COL23A1: variants seen among roughly 807,000 people sequenced by gnomAD.
COL23A1 encodes collagen type XXIII alpha 1 chain.
Under a neutral mutation model 99.3 loss-of-function variants are expected in COL23A1, and 97 were observed. That is an observed-to-expected ratio of 0.98 (90% CI 0.83 to 1.16). COL23A1 has a LOEUF of 1.16. COL23A1 is among the 50% of genes most tolerant of loss of function. The probability of loss-of-function intolerance (pLI) is 0.00; values close to 1 mark genes in which losing one functional copy is unlikely to be tolerated. For synonymous variants in COL23A1, 320 were observed against 308.2 expected, an observed-to-expected ratio of 1.04 and a Z score of -0.40; for missense variants, 762 against 757.4, an observed-to-expected ratio of 1.01 and a Z score of -0.07.
chr5:178,587,944 C>A (rs1764083570), intron 1 of COL23A1, among the ~76,000 whole-genome samples: 1 of 152,246 alleles, frequency 6.6e-6, no homozygotes, highest in Non-Finnish European at 1.5e-5. Flanking sequence ...TGCATTCATA[C>A]TGCACCATCT....
rs1554178715 is a variant in COL23A1 at position 178,473,082 on chromosome 5, CACTGCACTCCAGCCTGGGTGACAGA to C, written c.361+87575_361+87599del. ...AGGCTGCAGTGAGCTGTGACTGTGC[CACTGCACTCCAGCCTGGGTGACAGA>C]GCAAGACTCTCTTCGCCATCCCCCC... On this transcript the variant is annotated intron_variant, in intron 2 of 28. Coordinates refer to ENST00000390654, the MANE Select transcript of COL23A1 (RefSeq NM_173465.4). 1.1e-4 allele frequency among the ~76,000 whole-genome samples: 3 copies of C among 27,176 alleles called. No individual in the cohort carries two copies. The Admixed American group carries it at 1.7e-3, about 15-fold the overall frequency. The allele number at this position is 27,176 out of a possible 152,430, so 17.8% of individuals were successfully genotyped here.
At chr5:178,559,743 G>C (rs137873422) in intron 2 of COL23A1, among the ~76,000 whole-genome samples, 2 of 147,378 alleles carry the variant, frequency 1.4e-5, no homozygotes, top group Non-Finnish European at 3.0e-5. Context: ...CCTGCATGTC[G>C]AGAAGTCTGA....
chr5:178,529,861 T>C (rs1466198499), intron 2 of COL23A1, among the ~76,000 whole-genome samples: 1 of 152,218 alleles, frequency 6.6e-6, no homozygotes, highest in East Asian at 1.9e-4. Context: ...GTGATCATAG[T>C]GTACCTTTCA....
chr5:178,249,716 A>ACACACACACTCTCTCTCTCTCTCTCT, intron 18 of COL23A1, among the ~76,000 whole-genome samples: 4 of 92,752 alleles, frequency 4.3e-5, no homozygotes, highest in Non-Finnish European at 8.7e-5. Flanking sequence ...ACACACACAC[A>ACACACACACTCTCTCTCTCTCTCTCT]CTCTCTCTCT....
intron 2 of COL23A1, among the ~76,000 whole-genome samples, chr5:178,334,487 A>G (rs998507809): frequency 6.6e-6 from 1 of 152,236 alleles, no homozygotes; most frequent in Non-Finnish European, 1.5e-5. Flanking sequence ...GCTCATGGGA[A>G]CAAGTCCACA....
At chr5:178,588,289 G>A (rs73804324) in intron 1 of COL23A1, among the ~76,000 whole-genome samples, 73 of 152,332 alleles carry the variant, frequency 4.8e-4, no homozygotes, top group African/African-American at 1.6e-3. Context: ...CTTCCCAGCA[G>A]TGGCTGCCTG....
At chr5:178,471,967 T>C (rs910585374) in intron 2 of COL23A1, among the ~76,000 whole-genome samples, 5 of 152,118 alleles carry the variant, frequency 3.3e-5, no homozygotes, top group Non-Finnish European at 5.9e-5. Flanking sequence ...GTTGTCTCCA[T>C]GGTTGTCATC....
chr5:178,513,151 TG>T (rs150733850), intron 2 of COL23A1, among the ~76,000 whole-genome samples: 11,588 of 152,226 alleles, frequency 0.076, 1,167 homozygotes, highest in African/African-American at 0.23. Flanking sequence ...GGCGCAGACC[TG>T]GGACGAGATG....
At chr5:178,325,529 T>C (rs1207412649) in intron 2 of COL23A1, among the ~76,000 whole-genome samples, 3 of 151,236 alleles carry the variant, frequency 2.0e-5, no homozygotes, top group Non-Finnish European at 4.4e-5. Flanking sequence ...CATCCTACAA[T>C]ACCCAGCTAG....
At chr5:178,418,748 T>C (rs1308886880) in intron 2 of COL23A1, among the ~76,000 whole-genome samples, 1 of 151,534 alleles carries the variant, frequency 6.6e-6, no homozygotes, top group African/African-American at 2.5e-5. Flanking sequence ...AAGCCTCCAG[T>C]CCGTGCAGCA....
At chr5:178,357,742 ACGTGTATGTG>A (rs1478531299) in intron 2 of COL23A1, among the ~76,000 whole-genome samples, 4 of 100,426 alleles carry the variant, frequency 4.0e-5, no homozygotes, top group African/African-American at 1.3e-4. Flanking sequence ...GTGTGTATGT[ACGTGTATGTG>A]TGTGTGTACG....
intron 2 of COL23A1, among the ~76,000 whole-genome samples, chr5:178,518,919 G>GGCGGTCGGGCGGCGGCGGCT (rs1759777497): frequency 7.5e-6 from 1 of 133,598 alleles, no homozygotes; most frequent in Non-Finnish European, 1.6e-5. Context: ...CCATCCTCCC[G>GGCGGTCGGGCGGCGGCGGCT]GCGGTCGGGC....
chr5:178,556,343 C>T (rs1388013062), intron 2 of COL23A1, among the ~76,000 whole-genome samples: 2 of 152,152 alleles, frequency 1.3e-5, no homozygotes, highest in African/African-American at 4.8e-5. Flanking sequence ...TTGAAATGGG[C>T]CAGGCATGGT....
At chr5:178,299,545 G>T (rs6869104) in intron 3 of COL23A1, among the ~76,000 whole-genome samples, 1 of 151,856 alleles carries the variant, frequency 6.6e-6, no homozygotes, top group African/African-American at 2.4e-5. Flanking sequence ...TGTTTTTCTT[G>T]GTCAGTCTAG....
At chr5:178,510,051 T>G (rs1759114968) in intron 2 of COL23A1, among the ~76,000 whole-genome samples, 2 of 152,252 alleles carry the variant, frequency 1.3e-5, no homozygotes, top group African/African-American at 2.4e-5. Flanking sequence ...GAAAGTGCTC[T>G]GCACACAGCT....
chr5:178,522,048 CAA>C (rs1759975164), intron 2 of COL23A1, among the ~76,000 whole-genome samples: 1 of 152,048 alleles, frequency 6.6e-6, no homozygotes, highest in African/African-American at 2.4e-5. Context: ...AAATTTCAAA[CAA>C]ACCAGAAAAA....
Position 178,255,990 on chromosome 5 carries a change from G to A in COL23A1, c.882+363C>T. 4.3e-6 allele frequency: 1 copy of A among 233,660 alleles called. No homozygotes were observed. Among genetic ancestry groups the A allele is most frequent in the Non-Finnish European group, 8.9e-6 (1 of 112,834 alleles). The allele number at this position is 233,660 out of a possible 1,614,324, so 14.5% of individuals were successfully genotyped here. A position where few individuals can be genotyped will look rare whatever the true frequency, so the allele number is the denominator to read the frequency against. Reference sequence around the variant, plus strand: ...AGGGACAAACCTCCCTGTGGGGTGGGGAAAAGGCAAGGCCTGGCCCACTGT... The same window carrying A: ...AGGGACAAACCTCCCTGTGGGGTGGAGAAAAGGCAAGGCCTGGCCCACTGT... On this transcript the variant is annotated intron_variant, in intron 15 of 28. Coordinates refer to ENST00000390654, the MANE Select transcript of COL23A1 (RefSeq NM_173465.4). This position sits in a 1 kb window ranked among gnomAD's most constrained non-coding sequence, Gnocchi z 4.2.
chr5:178,584,975 C>T (rs1581685713), intron 1 of COL23A1, among the ~76,000 whole-genome samples: 1 of 152,164 alleles, frequency 6.6e-6, no homozygotes, highest in Admixed American at 6.5e-5. Flanking sequence ...TCACTCACTT[C>T]GGGGGCAGAA....
At chr5:178,499,474 G>A (rs988648001) in intron 2 of COL23A1, among the ~76,000 whole-genome samples, 1 of 152,192 alleles carries the variant, frequency 6.6e-6, no homozygotes, top group Non-Finnish European at 1.5e-5. Context: ...CATCAGCCCA[G>A]TTCAACCATG....
Sources: gnomAD v4.1 joint callset for allele counts (sites outside exome capture counted in the v4.1 genomes callset) on GRCh38, gnomAD v4.1.1 for gene constraint, Gnocchi (gnomAD v3.1) non-coding constraint, MANE v1.5 for transcripts, NCBI Gene and HGNC (gene_info 2026-07-23, HGNC 2026-07-21) for gene names.